The following SLC16A14 variants were observed in gnomAD, a reference collection of about 807,000 sequenced individuals.
SLC16A14 encodes solute carrier family 16 member 14.
Under a neutral mutation model 35.8 loss-of-function variants are expected in SLC16A14, and 14 were observed. The ratio of observed to expected loss-of-function variants is 0.39; its 90% CI spans 0.26 to 0.61. The LOEUF (loss-of-function observed/expected upper bound fraction) is 0.61. Ranked by LOEUF, SLC16A14 falls within the 20% of genes least tolerant of loss-of-function variation. The pLI is 0.51. For synonymous variants in SLC16A14, 248 were observed against 258.9 expected (o/e 0.96, Z 0.40); for missense variants, 533 against 655.0 (o/e 0.81, Z 2.03).
intron 3 of SLC16A14, among the ~76,000 whole-genome samples, chr2:230,048,941 A>AAC (rs1266126713): frequency 3.4e-5 from 5 of 147,328 alleles, no homozygotes; most frequent in Non-Finnish European, 7.4e-5. Context: ...AAAAAAAAAA[A>AAC]AAAACAAATG....
At chr2:230,066,536 A>G (rs1577404342) in intron 1 of SLC16A14, 1 of 370,696 alleles carries the variant, frequency 2.7e-6, no homozygotes, top group Non-Finnish European at 5.1e-6. Flanking sequence ...TATTTACGTG[A>G]TAATAGGCAG....
At chr2:230,052,991 G>A (rs571871910) in intron 2 of SLC16A14, among the ~76,000 whole-genome samples, 1 of 151,836 alleles carries the variant, frequency 6.6e-6, no homozygotes, top group East Asian at 1.9e-4. Flanking sequence ...GCCCAGGCTG[G>A]AGTGCAGTGG....
At chr2:230,043,667 T>C (rs1465106982) in intron 4 of SLC16A14, among the ~76,000 whole-genome samples, 1 of 152,236 alleles carries the variant, frequency 6.6e-6, no homozygotes, top group East Asian at 1.9e-4. Flanking sequence ...CCACCAGCCC[T>C]GGCTGTCTGA....
intron 1 of SLC16A14, among the ~76,000 whole-genome samples, chr2:230,063,606 G>A (rs1373198582): frequency 3.9e-5 from 6 of 152,110 alleles, no homozygotes; most frequent in Non-Finnish European, 5.9e-5. Context: ...ACACTTTAGC[G>A]TGACCCTGTA....
At chr2:230,048,330 T>A (rs2077626093) in intron 3 of SLC16A14, among the ~76,000 whole-genome samples, 1 of 152,264 alleles carries the variant, frequency 6.6e-6, no homozygotes. Flanking sequence ...TTTTAACTCT[T>A]ATGCTAACGC....
In SLC16A14 at chr2:230,035,579, A is replaced by T. The variant is rs1038977332; in HGVS notation, c.*1801T>A. The T allele has an allele frequency of 1.3e-5, 2 of 152,432 alleles. No individual in the cohort carries two copies. The highest frequency in any genetic ancestry group is 2.9e-5 in the Non-Finnish European group (2 of 68,040). 9.4% of individuals were successfully genotyped at this position (152,432 alleles called of 1,614,324 possible). The stretch of plus-strand genomic sequence containing the variant: ...CCTCAGCTTTAAGATTATCTTTATC[A>T]AAATAGAGAGCTGGATTCTTTAACA... On this transcript the variant is annotated 3_prime_UTR_variant, in exon 5 of 5. Coordinates refer to ENST00000295190, the MANE Select transcript of SLC16A14 (RefSeq NM_152527.5).
intron 4 of SLC16A14, among the ~76,000 whole-genome samples, chr2:230,042,604 A>G (rs1039449495): frequency 6.6e-6 from 1 of 152,194 alleles, no homozygotes; most frequent in Non-Finnish European, 1.5e-5. Flanking sequence ...AGGACCTCCA[A>G]CAAGAGGGTG....
chr2:230,037,617 T>C, intron 4 of SLC16A14, 86 bp from the exon 5 acceptor site: 1 of 1,009,696 alleles, frequency 9.9e-7, no homozygotes, highest in Non-Finnish European at 1.4e-6. Flanking sequence ...ATTGCTGCTG[T>C]ACATGTTTCT....
In SLC16A14 at chr2:230,049,895, A is replaced by G. The variant is rs1371678752; in HGVS notation, c.269T>C (p.Ile90Thr). Residue 90 changes from isoleucine to threonine, a missense_variant, in exon 3 of 5, where the codon ATC becomes ACC. Transcript: ENST00000295190. ...MGITLIVGPF[I>T]GLFINTCGCR... The stretch of plus-strand genomic sequence containing the variant: ...CCCACAGGTGTTAATGAACAAGCCG[A>G]TGAAAGGGCCTGTCACAGAGCATTG... The G allele has an allele frequency of 6.2e-7, 1 of 1,614,148 alleles. No homozygotes were observed. The highest frequency in any genetic ancestry group is 1.1e-5 in the South Asian group (1 of 91,076).
chr2:230,041,005 C>T (rs1366112469), intron 4 of SLC16A14, among the ~76,000 whole-genome samples: 1 of 152,128 alleles, frequency 6.6e-6, no homozygotes, highest in African/African-American at 2.4e-5. Context: ...ATTTGGAACC[C>T]GGGATTCTTG....
chr2:230,049,726 T>G (rs1297297919), intron 3 of SLC16A14, 35 bp downstream of exon 3: 2 of 1,603,890 alleles, frequency 1.2e-6, no homozygotes, highest in Non-Finnish European at 1.7e-6. Context: ...TTATAAAACA[T>G]TTAAAATCGA....
intron 4 of SLC16A14, among the ~76,000 whole-genome samples, chr2:230,043,830 C>T (rs537298495): frequency 7.9e-5 from 12 of 152,342 alleles, no homozygotes; most frequent in Admixed American, 2.0e-4. Flanking sequence ...TCTGCCCAAA[C>T]CTGACTTGCC....
chr2:230,037,775 G>C (rs2077530329), intron 4 of SLC16A14, among the ~76,000 whole-genome samples: 2 of 152,012 alleles, frequency 1.3e-5, no homozygotes, highest in East Asian at 3.9e-4. Context: ...GCCTACGGAG[G>C]ACTGCATTCG....
intron 4 of SLC16A14, among the ~76,000 whole-genome samples, chr2:230,039,044 C>A (rs2077539477): frequency 6.6e-6 from 1 of 151,814 alleles, no homozygotes; most frequent in South Asian, 2.1e-4. Flanking sequence ...CATCAAGAAA[C>A]AGCCACACAA....
intron 1 of SLC16A14, among the ~76,000 whole-genome samples, chr2:230,067,597 G>T (rs1331325137): frequency 1.4e-5 from 2 of 141,744 alleles, no homozygotes; most frequent in Non-Finnish European, 3.0e-5. Flanking sequence ...AGCCGCACAC[G>T]CACGCACATG....
intron 2 of SLC16A14, among the ~76,000 whole-genome samples, chr2:230,051,285 C>T (rs552958866): frequency 1.3e-5 from 2 of 152,142 alleles, no homozygotes; most frequent in African/African-American, 4.8e-5. Context: ...TCTCAGCCTC[C>T]TAAGTAGCTG....
chr2:230,044,785 C>G lies in SLC16A14; in HGVS notation c.1381+960G>C, dbSNP rs184635634. On this transcript the variant is annotated intron_variant, in intron 4 of 4. Coordinates refer to ENST00000295190, the MANE Select transcript of SLC16A14 (RefSeq NM_152527.5). ...GTGTAGATGGGGTTTCGCTGTATTG[C>G]CCAGGCTGGTCTTGAACTCCTGAGC... 1.0e-3 allele frequency among the ~76,000 whole-genome samples: 155 copies of G among 149,748 alleles called. 1 individual carries two copies. Among genetic ancestry groups the G allele is most frequent in the African/African-American group, 3.8e-3 (153 of 40,422 alleles).
rs1217531040 is a variant in SLC16A14, at chr2:230,046,539, C to A, written c.587G>T (p.Gly196Val). Residue 196 changes from glycine (G) to valine (V), a missense_variant, in exon 4 of 5, where the codon GGT becomes GTT. Coordinates refer to ENST00000295190, the MANE Select transcript of SLC16A14 (RefSeq NM_152527.5). The surrounding 1 kb of genome is among the most constrained non-coding windows in gnomAD (Gnocchi z 5.0). The part of the protein sequence containing the change: ...YGWRNAMLIQ[G>V]AVSLNLCVCG... ...AACACACAGGTTTAGGGAAACGGCA[C>A]CTTGGATCAACATGGCATTCCTCCA... 1.2e-6 allele frequency: 2 copies of A among 1,614,116 alleles called. No individual in the cohort carries two copies. Among genetic ancestry groups the A allele is most frequent in the South Asian group, 1.1e-5 (1 of 91,096 alleles).
At chr2:230,043,853 CACTGGCCCAGACACAAGATTCCTTGGT>C in intron 4 of SLC16A14, among the ~76,000 whole-genome samples, 1 of 152,346 alleles carries the variant, frequency 6.6e-6, no homozygotes, top group Non-Finnish European at 1.5e-5. Context: ...TCCACGAAGG[CACTGGCCCAGACACAAGATTCCTTGGT>C]ACTCACGGCT....
Sources: allele counts gnomAD v4.1 joint callset (sites outside exome capture counted in the v4.1 genomes callset), GRCh38; gene constraint gnomAD v4.1.1; non-coding constraint Gnocchi (gnomAD v3.1); transcripts MANE v1.5; gene names NCBI Gene and HGNC (gene_info 2026-07-23, HGNC 2026-07-21).